TENM2: variants seen among roughly 807,000 people sequenced by gnomAD.
TENM2 encodes teneurin-2.
TENM2 carries 52 observed loss-of-function variants against 245.2 expected under a neutral mutation model. That is an observed-to-expected ratio of 0.21 (90% CI 0.17 to 0.27). TENM2 has a LOEUF of 0.27. Among genes scored for constraint, TENM2 ranks in the 10% least tolerant of loss-of-function variants. The pLI, the probability that TENM2 is intolerant of heterozygous loss-of-function variation, is 1.00. For missense variants in TENM2, 3,046 were observed against 3,666.8 expected, an observed-to-expected ratio of 0.83 and a Z score of 4.37; for synonymous variants, 1,363 against 1,438.9, an observed-to-expected ratio of 0.95 and a Z score of 1.19.
chr5:167,358,502 T>A (rs1178339690), intron 1 of TENM2, among the ~76,000 whole-genome samples: 1 of 151,326 alleles, frequency 6.6e-6, no homozygotes, highest in Non-Finnish European at 1.5e-5. Context: ...TATTTGACCC[T>A]TGTGGTCTTA....
intron 2 of TENM2, among the ~76,000 whole-genome samples, chr5:167,442,157 A>G (rs1395074097): frequency 6.6e-6 from 1 of 152,160 alleles, no homozygotes; most frequent in Non-Finnish European, 1.5e-5. Flanking sequence ...AATTATTTTA[A>G]TAAATTTTTA....
chr5:168,090,266 T>G (rs956928713), intron 7 of TENM2, among the ~76,000 whole-genome samples: 1 of 130,086 alleles, frequency 7.7e-6, no homozygotes, highest in African/African-American at 3.0e-5. Flanking sequence ...ACACACACGA[T>G]GCACACATAC....
At chr5:167,483,965 A>G (rs960038284) in intron 2 of TENM2, among the ~76,000 whole-genome samples, 2 of 152,206 alleles carry the variant, frequency 1.3e-5, no homozygotes, top group African/African-American at 2.4e-5. Flanking sequence ...TTATGTATAC[A>G]TACTTAAGTT....
intron 13 of TENM2, among the ~76,000 whole-genome samples, chr5:168,178,496 A>G (rs1038291209): frequency 1.3e-5 from 2 of 152,084 alleles, no homozygotes; most frequent in African/African-American, 2.4e-5. Context: ...CAGGTATAAA[A>G]AACGTGGCTC....
the TENM2 span, among the ~76,000 whole-genome samples, chr5:167,272,256 C>A: frequency 1.3e-5 from 2 of 152,146 alleles, no homozygotes; most frequent in South Asian, 4.1e-4. Context: ...TTCTAACACA[C>A]AAGAATGGGA....
intron 9 of TENM2, among the ~76,000 whole-genome samples, chr5:168,099,441 G>A (rs895894719): frequency 2.0e-5 from 3 of 152,092 alleles, no homozygotes; most frequent in Non-Finnish European, 4.4e-5. Context: ...TACTTCCTAG[G>A]TTTATTGTGA....
upstream of TENM2, among the ~76,000 whole-genome samples, chr5:167,279,891 G>A (rs934036699): frequency 5.9e-5 from 9 of 152,206 alleles, no homozygotes; most frequent in Admixed American, 2.0e-4. Flanking sequence ...TCATCTCAGC[G>A]TTGGCATCTA....
At chr5:167,006,812 A>G in the TENM2 span, among the ~76,000 whole-genome samples, 8 of 152,144 alleles carry the variant, frequency 5.3e-5, no homozygotes, top group African/African-American at 1.7e-4. Flanking sequence ...GATTACAGGC[A>G]TGTGCCACCA....
intron 22 of TENM2, among the ~76,000 whole-genome samples, chr5:168,217,834 T>C (rs1763334391): frequency 6.6e-6 from 1 of 152,196 alleles, no homozygotes; most frequent in Admixed American, 6.5e-5. Flanking sequence ...ACAGCTCTGA[T>C]GCTGGTCCAG....
At chr5:167,941,556 A>G (rs1435656966) in intron 3 of TENM2, among the ~76,000 whole-genome samples, 1 of 152,122 alleles carries the variant, frequency 6.6e-6, no homozygotes, top group Non-Finnish European at 1.5e-5. Flanking sequence ...CATTGAAATA[A>G]TAATCCTGGC....
the TENM2 span, among the ~76,000 whole-genome samples, chr5:167,243,654 GC>G: frequency 1.3e-4 from 20 of 152,030 alleles, no homozygotes; most frequent in Admixed American, 9.2e-4. Context: ...CCTCCAAACT[GC>G]AGATTTGTCT....
intron 2 of TENM2, among the ~76,000 whole-genome samples, chr5:167,465,786 G>C (rs959421158): frequency 1.3e-5 from 2 of 152,046 alleles, no homozygotes; most frequent in African/African-American, 4.8e-5. Context: ...AGCGGAGATC[G>C]CGCCACTGCA....
At chr5:167,807,632 A>ATT (rs766988937) in intron 2 of TENM2, among the ~76,000 whole-genome samples, 1 of 148,222 alleles carries the variant, frequency 6.7e-6, no homozygotes. Flanking sequence ...TTTAAAAAAA[A>ATT]AAAAAAAGAG....
At chr5:167,220,415 A>G in the TENM2 span, among the ~76,000 whole-genome samples, 1 of 152,250 alleles carries the variant, frequency 6.6e-6, no homozygotes, top group East Asian at 1.9e-4. Context: ...TAGACGATGT[A>G]AAATTTTAAA....
intron 2 of TENM2, among the ~76,000 whole-genome samples, chr5:167,389,812 T>A (rs1244399882): frequency 1.3e-5 from 2 of 152,178 alleles, no homozygotes; most frequent in Non-Finnish European, 2.9e-5. Context: ...CTGGGAATGA[T>A]CATTAATATT....
chr5:167,070,969 C>T, the TENM2 span, among the ~76,000 whole-genome samples: 17 of 152,128 alleles, frequency 1.1e-4, no homozygotes, highest in Admixed American at 9.8e-4. Flanking sequence ...ACTTATCTTT[C>T]GACTAAATTG....
intron 2 of TENM2, among the ~76,000 whole-genome samples, chr5:167,569,131 A>G (rs76495713): frequency 0.017 from 1,195 of 69,450 alleles, 17 homozygotes; most frequent in African/African-American, 0.062. Flanking sequence ...ATTTGTTTCT[A>G]TCTGTGCAGC....
intron 12 of TENM2, among the ~76,000 whole-genome samples, chr5:168,152,757 C>T (rs1257859609): frequency 6.6e-6 from 1 of 152,220 alleles, no homozygotes; most frequent in Non-Finnish European, 1.5e-5. Context: ...AAGCTACCAA[C>T]ATGCCTTCTC....
the TENM2 span, among the ~76,000 whole-genome samples, chr5:167,140,118 A>T: frequency 1.3e-5 from 2 of 152,176 alleles, no homozygotes; most frequent in Admixed American, 6.5e-5. Flanking sequence ...TTGGCATTTG[A>T]CACACTATCT....
Sources: gnomAD v4.1 joint callset for allele counts (sites outside exome capture counted in the v4.1 genomes callset) on GRCh38, gnomAD v4.1.1 for gene constraint, MANE v1.5 for transcripts, NCBI Gene and HGNC (gene_info 2026-07-23, HGNC 2026-07-21) for gene names.